The following PCDHGA5 variants were observed in gnomAD, a reference collection of about 807,000 sequenced individuals.
PCDHGA5 encodes the protein protocadherin gamma-A5.
PCDHGA5 carries 36 observed loss-of-function variants against 56.7 expected under a neutral mutation model. That is an observed-to-expected ratio of 0.64 (90% CI 0.49 to 0.84). The LOEUF (loss-of-function observed/expected upper bound fraction) is 0.84. PCDHGA5 is among the 40% of genes least tolerant of loss of function. PCDHGA5 has a pLI of 0.00. For synonymous variants in PCDHGA5, 563 were observed against 520.2 expected, an observed-to-expected ratio of 1.08 and a Z score of -1.12; for missense variants, 1,305 against 1,201.5, an observed-to-expected ratio of 1.09 and a Z score of -1.27.
At chr5:141,421,921 G>T in intron 1 of PCDHGA5, 1 of 1,613,644 alleles carries the variant, frequency 6.2e-7, no homozygotes, top group Non-Finnish European at 8.5e-7. Context: ...CATTCGTGTG[G>T]TGGTCCTCGA....
Position 141,489,213 on chromosome 5 carries a change from T to G in PCDHGA5, c.2422-5594T>G, listed in dbSNP as rs372898969. 11 of 1,473,392 alleles carry G rather than the reference T, an allele frequency of 7.5e-6. No homozygotes were observed. The highest frequency in any genetic ancestry group is 6.4e-6 in the Non-Finnish European group (7 of 1,091,332). 91.3% of individuals were successfully genotyped at this position (1,473,392 alleles called of 1,614,324 possible). On this transcript the variant is annotated intron_variant, in intron 1 of 3. Coordinates refer to ENST00000518069, the MANE Select transcript of PCDHGA5 (RefSeq NM_018918.3). This position sits in a 1 kb window ranked among gnomAD's most constrained non-coding sequence, Gnocchi z 4.5. Reference sequence around the variant, plus strand: ...ACCTTGGAGACAGGACAGCACAGACTTACTCTCCACAAAGGGACTTCTGGG... The same window carrying G: ...ACCTTGGAGACAGGACAGCACAGACGTACTCTCCACAAAGGGACTTCTGGG...
chr5:141,371,379 G>C, intron 1 of PCDHGA5: 1 of 1,613,974 alleles, frequency 6.2e-7, no homozygotes, highest in Non-Finnish European at 8.5e-7. Context: ...ACATCACACT[G>C]CATATTGTAA....
chr5:141,371,636 G>A, intron 1 of PCDHGA5: 4 of 1,614,044 alleles, frequency 2.5e-6, no homozygotes, highest in African/African-American at 2.7e-5. Context: ...ACCGGGAGCA[G>A]ATCCCAGAAT....
intron 1 of PCDHGA5, among the ~76,000 whole-genome samples, chr5:141,463,117 A>G (rs2099053039): frequency 6.6e-6 from 1 of 152,196 alleles, no homozygotes; most frequent in African/African-American, 2.4e-5. Context: ...TTCAGCTAAT[A>G]GCTCCCTGGC....
intron 1 of PCDHGA5, chr5:141,392,933 C>A: frequency 6.2e-7 from 1 of 1,613,930 alleles, no homozygotes; most frequent in Non-Finnish European, 8.5e-7. Flanking sequence ...AAGAGACGGA[C>A]AAAGGCTCCT....
Position 141,502,866 on chromosome 5 carries a change from C to CTTTTTTTTTTTTTT in PCDHGA5, c.2481-2526_2481-2513dup, listed in dbSNP as rs549047197. Among the ~76,000 whole-genome samples the CTTTTTTTTTTTTTT allele has an allele frequency of 1.6e-4, 20 of 128,024 alleles. 4 individuals are homozygous for CTTTTTTTTTTTTTT. The highest frequency in any genetic ancestry group is 2.6e-4 in the Admixed American group (3 of 11,660). 84.0% of individuals were successfully genotyped at this position (128,024 alleles called of 152,430 possible). A position where few individuals can be genotyped will look rare whatever the true frequency, so the allele number is the denominator to read the frequency against. The stretch of plus-strand genomic sequence containing the variant: ...GAGCTGCCTAACCCTGACTCTCTGT[C>CTTTTTTTTTTTTTT]TTTTTTTTTTTTTTGACAGGGAGTC... On this transcript the variant is annotated intron_variant, in intron 2 of 3. Transcript: ENST00000518069.
chr5:141,376,836 G>T, intron 1 of PCDHGA5: 1 of 252,676 alleles, frequency 4.0e-6, no homozygotes, highest in Admixed American at 5.1e-5. Context: ...ACAGGCGCCC[G>T]CCACCGCGCC....
chr5:141,394,252 A>G, intron 1 of PCDHGA5: 1 of 1,613,902 alleles, frequency 6.2e-7, no homozygotes, highest in Non-Finnish European at 8.5e-7. Flanking sequence ...CACGACCCCG[A>G]CAGCCAGGAG....
At chr5:141,423,695 G>T in intron 1 of PCDHGA5, 1 of 1,338,020 alleles carries the variant, frequency 7.5e-7, no homozygotes, top group Non-Finnish European at 9.7e-7. Context: ...AATTGTTGGT[G>T]TCTTGGCACA....
intron 1 of PCDHGA5, chr5:141,419,779 G>A (rs1439735185): frequency 1.2e-6 from 2 of 1,614,064 alleles, no homozygotes; most frequent in Non-Finnish European, 8.5e-7. Flanking sequence ...CGGTCCGCCA[G>A]CGCCTGCTAG....
At chr5:141,397,984 A>G in intron 1 of PCDHGA5, 18 of 1,310,016 alleles carry the variant, frequency 1.4e-5, no homozygotes, top group Non-Finnish European at 1.9e-5. Flanking sequence ...CGGCCTTTAC[A>G]CCGCTTCCTC....
chr5:141,505,267 A>G (rs2099845018), intron 2 of PCDHGA5, 126 bp from the exon 3 acceptor site: 1 of 1,514,640 alleles, frequency 6.6e-7, no homozygotes, highest in Admixed American at 2.0e-5. Flanking sequence ...TACCTTGCTG[A>G]GAGAAACAGG....
At chr5:141,414,897 C>G in intron 1 of PCDHGA5, 1 of 1,614,230 alleles carries the variant, frequency 6.2e-7, no homozygotes, top group Non-Finnish European at 8.5e-7. Flanking sequence ...TCCCCACAGA[C>G]GGTTCCACAG....
intron 1 of PCDHGA5, 134 bp from the exon 2 acceptor site, chr5:141,494,673 C>A: frequency 6.5e-7 from 1 of 1,542,992 alleles, no homozygotes; most frequent in South Asian, 1.2e-5. Flanking sequence ...GATGAGTCCA[C>A]CCCTGCCCCC....
chr5:141,366,185 G>A lies in PCDHGA5; in HGVS notation c.1855G>A (p.Val619Ile). The stretch of plus-strand genomic sequence containing the variant: ...GGCCAGCGAGCCAGGACTCTTTGCG[G>A]TTGGGCTGCACACGGGCGAGGTGCG... ...LKASEPGLFA[V>I]GLHTGEVRTA... Residue 619 changes from valine to isoleucine, a missense_variant, in exon 1 of 4, where the codon GTT becomes ATT. Physicochemically the swap from Val to Ile is conservative, Grantham distance 29. Coordinates refer to ENST00000518069, the MANE Select transcript of PCDHGA5 (RefSeq NM_018918.3). The A allele has an allele frequency of 6.2e-7, 1 of 1,614,010 alleles. No homozygotes were observed. The highest frequency in any genetic ancestry group is 1.7e-5 in the Admixed American group (1 of 60,034).
At chr5:141,510,525 G>A (rs545854649) in intron 3 of PCDHGA5, among the ~76,000 whole-genome samples, 1 of 152,316 alleles carries the variant, frequency 6.6e-6, no homozygotes, top group African/African-American at 2.4e-5. Context: ...ACAGCCCTGA[G>A]AGAAATACCA....
chr5:141,496,802 A>G (rs1483438160), intron 2 of PCDHGA5, among the ~76,000 whole-genome samples: 1 of 152,050 alleles, frequency 6.6e-6, no homozygotes, highest in Admixed American at 6.6e-5. Flanking sequence ...ACATTGGGCT[A>G]TAGGAGTGAA....
Position 141,490,522 on chromosome 5 carries a change from G to A in PCDHGA5, c.2422-4285G>A, listed in dbSNP as rs191201177. ...CTATATCATCGAGCTGCTGGCCAGC[G>A]ATGCTGGTTCACCTTCCCTACACAA... On this transcript the variant is annotated intron_variant, in intron 1 of 3. Transcript: ENST00000518069. This position sits in a 1 kb window ranked among gnomAD's most constrained non-coding sequence, Gnocchi z 5.4. 5.0e-6 allele frequency: 8 copies of A among 1,614,054 alleles called. No homozygotes were observed. Among genetic ancestry groups the A allele is most frequent in the Admixed American group, 3.3e-5 (2 of 60,010 alleles).
intron 1 of PCDHGA5, among the ~76,000 whole-genome samples, chr5:141,400,971 C>T (rs1161811260): frequency 6.6e-6 from 1 of 152,138 alleles, no homozygotes; most frequent in African/African-American, 2.4e-5. Flanking sequence ...TCATCTCTTT[C>T]TTATGTTCCT....
Sources: allele counts gnomAD v4.1 joint callset (sites outside exome capture counted in the v4.1 genomes callset), GRCh38; gene constraint gnomAD v4.1.1; non-coding constraint Gnocchi (gnomAD v3.1); transcripts MANE v1.5; gene names NCBI Gene and HGNC (gene_info 2026-07-23, HGNC 2026-07-21).